The following COG5 variants were observed in gnomAD, a reference collection of about 807,000 sequenced individuals.
COG5 encodes component of oligomeric golgi complex 5, also known as conserved oligomeric Golgi complex subunit 5.
COG5 carries 86 observed loss-of-function variants against 110.4 expected under a neutral mutation model. The ratio of observed to expected loss-of-function variants is 0.78; its 90% CI spans 0.65 to 0.93. COG5 has a LOEUF of 0.93. Among genes scored for constraint, COG5 ranks in the 40% least tolerant of loss-of-function variants. COG5 has a pLI of 0.00. For synonymous variants in COG5, 360 were observed against 334.6 expected (o/e 1.08, Z -0.83); for missense variants, 1,077 against 987.0 (o/e 1.09, Z -1.22).
intron 6 of COG5, among the ~76,000 whole-genome samples, chr7:107,508,031 G>A (rs564576262): frequency 6.6e-6 from 1 of 152,330 alleles, no homozygotes; most frequent in East Asian, 1.9e-4. Context: ...GACAGTGGGT[G>A]CAAGACAGTG....
intron 7 of COG5, among the ~76,000 whole-genome samples, chr7:107,381,426 G>A (rs1273894526): frequency 6.6e-6 from 1 of 152,140 alleles, no homozygotes; most frequent in East Asian, 1.9e-4. Flanking sequence ...AAATTGTATG[G>A]AATTTCTAAA....
chr7:107,225,483 C>A (rs1388610090), intron 19 of COG5, among the ~76,000 whole-genome samples: 1 of 151,730 alleles, frequency 6.6e-6, no homozygotes, highest in Non-Finnish European at 1.5e-5. Flanking sequence ...TCCTTTTTGT[C>A]TTTTATTCTC....
At chr7:107,209,954 A>C in intron 21 of COG5, 1 of 989,338 alleles carries the variant, frequency 1.0e-6, no homozygotes, top group Non-Finnish European at 1.2e-6. Flanking sequence ...TAAGCCATGT[A>C]TGACAGTTAA....
chr7:107,464,213 T>C (rs1159306635), intron 6 of COG5, among the ~76,000 whole-genome samples: 1 of 152,166 alleles, frequency 6.6e-6, no homozygotes. Flanking sequence ...GAACTTATAA[T>C]ATACTTAGTC....
intron 6 of COG5, among the ~76,000 whole-genome samples, chr7:107,500,654 C>T (rs1203271523): frequency 2.6e-5 from 4 of 152,004 alleles, no homozygotes; most frequent in Non-Finnish European, 5.9e-5. Flanking sequence ...AGATTATCAC[C>T]ACTGGCAACA....
At chr7:107,259,316 CA>C (rs753126616) in intron 14 of COG5, among the ~76,000 whole-genome samples, 108 of 152,248 alleles carry the variant, frequency 7.1e-4, no homozygotes, top group Non-Finnish European at 1.3e-3. Context: ...CAATTGCAAT[CA>C]AGCTGTGTTC....
At position 107,297,017 on chromosome 7, in the gene COG5, C is replaced by T. The variant is rs182526476; in HGVS notation, c.1313+1125G>A. ...TTTCAATTTTGGAGGAAAAGCTGGG[C>T]GGGCTAAACTTGCTGAGATGGTATA... On this transcript the variant is annotated intron_variant, in intron 12 of 21. Coordinates refer to ENST00000297135, the MANE Select transcript of COG5 (RefSeq NM_006348.5). 2.3e-4 allele frequency among the ~76,000 whole-genome samples: 35 copies of T among 152,236 alleles called. 1 individual carries two copies. Among genetic ancestry groups the T allele is most frequent in the Admixed American group, 1.1e-3 (17 of 15,276 alleles).
intron 12 of COG5, among the ~76,000 whole-genome samples, chr7:107,297,130 C>T (rs565330906): frequency 1.3e-5 from 2 of 152,258 alleles, no homozygotes; most frequent in South Asian, 4.1e-4. Flanking sequence ...TTTAACTATA[C>T]AGTTGGACCT....
chr7:107,461,514 A>T (rs1372262541), intron 6 of COG5, among the ~76,000 whole-genome samples: 1 of 152,192 alleles, frequency 6.6e-6, no homozygotes, highest in Non-Finnish European at 1.5e-5. Context: ...AGACATGGAA[A>T]AAAGCAGTTA....
chr7:107,366,355 T>G (rs1039905103), intron 8 of COG5, among the ~76,000 whole-genome samples: 2 of 152,094 alleles, frequency 1.3e-5, no homozygotes, highest in Non-Finnish European at 2.9e-5. Context: ...TCCCACAGCA[T>G]GCCCAGCACC....
intron 10 of COG5, among the ~76,000 whole-genome samples, chr7:107,341,588 G>C (rs797003380): frequency 8.6e-5 from 13 of 151,876 alleles, no homozygotes; most frequent in African/African-American, 3.1e-4. Flanking sequence ...TAAGCAAAAA[G>C]AACAAAGCTG....
At chr7:107,469,333 T>C (rs979592530) in intron 6 of COG5, among the ~76,000 whole-genome samples, 3 of 152,246 alleles carry the variant, frequency 2.0e-5, no homozygotes, top group East Asian at 3.9e-4. Context: ...AAAAGGGTTA[T>C]GAAAGGTGAA....
chr7:107,471,991 G>A (rs1037355587), intron 6 of COG5: 8 of 151,920 alleles, frequency 5.3e-5, no homozygotes, highest in African/African-American at 1.9e-4. Context: ...GATTTACAAT[G>A]GTAACAAAAG....
In COG5 at chr7:107,201,783, A is replaced by AATT. The variant is rs1346044938; in HGVS notation, c.*1730_*1732dup. ...TTTATTTTAAATTGTACGAAAGGGG[A>AATT]ATTTAAAAAATATGTAACTGCTGTT... On this transcript the variant is annotated 3_prime_UTR_variant, in exon 22 of 22. Coordinates refer to ENST00000297135, the MANE Select transcript of COG5 (RefSeq NM_006348.5). 1.5e-5 allele frequency: 3 copies of AATT among 194,788 alleles called. No individual in the cohort carries two copies. The highest frequency in any genetic ancestry group is 3.1e-5 in the Non-Finnish European group (3 of 96,034). The allele number at this position is 194,788 out of a possible 1,614,324, so 12.1% of individuals were successfully genotyped here.
chr7:107,249,586 T>C (rs1329639405), intron 16 of COG5, among the ~76,000 whole-genome samples: 1 of 151,978 alleles, frequency 6.6e-6, no homozygotes, highest in Non-Finnish European at 1.5e-5. Flanking sequence ...CTCATACAAA[T>C]GATCAAAATC....
At chr7:107,389,686 A>G (rs148413505) in intron 7 of COG5, among the ~76,000 whole-genome samples, 51 of 152,192 alleles carry the variant, frequency 3.4e-4, no homozygotes, top group African/African-American at 1.2e-3. Flanking sequence ...CAGCCTTACT[A>G]ATGTCCTCAC....
chr7:107,527,436 T>A, intron 5 of COG5, 79 bp from the exon 6 acceptor site: 1 of 1,510,610 alleles, frequency 6.6e-7, no homozygotes, highest in Non-Finnish European at 9.1e-7. Flanking sequence ...ACAAGCACAG[T>A]GGGTTGATAG....
chr7:107,548,465 G>A, intron 3 of COG5, 133 bp from the exon 4 acceptor site: 1 of 824,366 alleles, frequency 1.2e-6, no homozygotes, highest in Non-Finnish European at 2.1e-6. Context: ...CAAGCAACCA[G>A]TATCTTTTAC....
At chr7:107,465,586 T>C (rs989331801) in intron 6 of COG5, among the ~76,000 whole-genome samples, 3 of 152,146 alleles carry the variant, frequency 2.0e-5, no homozygotes, top group African/African-American at 7.2e-5. Flanking sequence ...TTTATAGATA[T>C]TGCACCCCTA....
Sources: gnomAD v4.1 joint callset for allele counts (sites outside exome capture counted in the v4.1 genomes callset) on GRCh38, gnomAD v4.1.1 for gene constraint, MANE v1.5 for transcripts, NCBI Gene and HGNC (gene_info 2026-07-23, HGNC 2026-07-21) for gene names.